Variants in MALRD1 observed in about 807,000 individuals in gnomAD.
MALRD1 encodes MAM and LDL-receptor class A domain-containing protein 1.
A neutral mutation model predicts 242.1 loss-of-function variants in MALRD1; 247 were observed. That is an observed-to-expected ratio of 1.02 (90% confidence interval 0.92 to 1.13). The LOEUF is 1.13. Among genes scored for constraint, MALRD1 ranks in the 50% most tolerant of loss-of-function variants. The pLI, the probability that MALRD1 is intolerant of heterozygous loss-of-function variation, is 0.00. For missense variants in MALRD1, 2,989 were observed against 2,533.1 expected (o/e 1.18, Z -3.86); for synonymous variants, 995 against 866.6 (o/e 1.15, Z -2.60).
intron 36 of MALRD1, among the ~76,000 whole-genome samples, chr10:19,631,550 T>A (rs7922615): frequency 0.029 from 4,352 of 152,216 alleles, 196 homozygotes; most frequent in African/African-American, 0.089. Context: ...TCTGTTTTAG[T>A]TCTTTGAGGA....
At chr10:19,396,173 T>A (rs1350829254) in intron 28 of MALRD1, among the ~76,000 whole-genome samples, 2 of 146,066 alleles carry the variant, frequency 1.4e-5, no homozygotes, top group African/African-American at 5.1e-5. Flanking sequence ...AGTCTCGTTC[T>A]GTCACCCTGG....
At chr10:19,595,164 C>A in intron 33 of MALRD1, 30 bp from the exon 34 acceptor site, 1 of 1,530,840 alleles carries the variant, frequency 6.5e-7, no homozygotes, top group Non-Finnish European at 8.8e-7. Context: ...TCCCTAATGC[C>A]AAAATAACTT....
chr10:19,581,241 T>G (rs921000566), intron 33 of MALRD1, among the ~76,000 whole-genome samples: 1 of 151,844 alleles, frequency 6.6e-6, no homozygotes, highest in Non-Finnish European at 1.5e-5. Flanking sequence ...TATTATACTT[T>G]AAGTTTTAGG....
chr10:19,574,754 A>G (rs1230642446), intron 33 of MALRD1, among the ~76,000 whole-genome samples: 1 of 152,122 alleles, frequency 6.6e-6, no homozygotes, highest in East Asian at 1.9e-4. Context: ...ATTATATGAT[A>G]CTGGATTTGG....
chr10:19,692,784 C>T (rs549705033), intron 38 of MALRD1, among the ~76,000 whole-genome samples: 48 of 95,480 alleles, frequency 5.0e-4, no homozygotes, highest in Non-Finnish European at 9.0e-4. Flanking sequence ...ATATTAGGAG[C>T]CTTTTTGAGG....
At chr10:19,723,471 C>T (rs1346800959) in intron 38 of MALRD1, among the ~76,000 whole-genome samples, 2 of 152,140 alleles carry the variant, frequency 1.3e-5, no homozygotes, top group East Asian at 3.9e-4. Flanking sequence ...AAGTGGCTCA[C>T]ACCCATAATC....
intron 38 of MALRD1, among the ~76,000 whole-genome samples, chr10:19,693,736 A>G (rs1025932067): frequency 1.3e-5 from 2 of 152,204 alleles, no homozygotes; most frequent in African/African-American, 4.8e-5. Flanking sequence ...TTTAAAGTTC[A>G]TATGGAACCA....
intron 24 of MALRD1, among the ~76,000 whole-genome samples, chr10:19,340,757 T>A (rs1843812428): frequency 6.6e-6 from 1 of 152,158 alleles, no homozygotes; most frequent in Non-Finnish European, 1.5e-5. Flanking sequence ...CTGGATGAAA[T>A]GTGCTTCAAA....
At chr10:19,326,936 T>C (rs965057128) in intron 22 of MALRD1, among the ~76,000 whole-genome samples, 6 of 152,118 alleles carry the variant, frequency 3.9e-5, no homozygotes, top group Admixed American at 1.3e-4. Context: ...CATGGCTCAT[T>C]TTGTATCATT....
chr10:19,585,293 G>A (rs1004853250), intron 33 of MALRD1, among the ~76,000 whole-genome samples: 2 of 151,272 alleles, frequency 1.3e-5, no homozygotes, highest in Non-Finnish European at 3.0e-5. Flanking sequence ...TATTTTGTTC[G>A]TTAGTTGATG....
In MALRD1 at chr10:19,257,759, AC is replaced by A. The variant is rs1564508360; in HGVS notation, c.3070del (p.Leu1024SerfsTer20). On this transcript the variant is annotated frameshift_variant, in exon 19 of 40. Coordinates refer to ENST00000454679, the MANE Select transcript of MALRD1 (RefSeq NM_001142308.3). LOFTEE classifies it high-confidence loss of function. The part of the protein sequence containing the change: ...AIDDLSFMDC[T>X]LYPGNLPADL... Reference sequence around the variant, plus strand: ...TGATGATCTGTCATTTATGGACTGCACCCTCTACCCTGGTAAGAGAGAACAT... The same window carrying A: ...TGATGATCTGTCATTTATGGACTGCACCTCTACCCTGGTAAGAGAGAACAT... The A allele has an allele frequency of 2.0e-6, 3 of 1,531,536 alleles. No individual in the cohort carries two copies. The highest frequency in any genetic ancestry group is 2.6e-6 in the Non-Finnish European group (3 of 1,135,840). The allele number at this position is 1,531,536 out of a possible 1,614,324, so 94.9% of individuals were successfully genotyped here.
chr10:19,457,592 A>G (rs1835724924), intron 29 of MALRD1, among the ~76,000 whole-genome samples: 1 of 152,032 alleles, frequency 6.6e-6, no homozygotes, highest in African/African-American at 2.4e-5. Flanking sequence ...AATTTGAACT[A>G]AGACCGGGCT....
chr10:19,643,427 CAAGA>C (rs1247816358), intron 36 of MALRD1, among the ~76,000 whole-genome samples: 1 of 151,732 alleles, frequency 6.6e-6, no homozygotes, highest in Non-Finnish European at 1.5e-5. Flanking sequence ...GTGTGGGCAA[CAAGA>C]AAGAAACTCC....
At chr10:19,239,983 C>T (rs6415951) in intron 18 of MALRD1, among the ~76,000 whole-genome samples, 66,679 of 151,690 alleles carry the variant, frequency 0.44, 15,265 homozygotes, top group Admixed American at 0.59. Flanking sequence ...TTATTTGGGG[C>T]CTTTTCTGGT....
intron 36 of MALRD1, among the ~76,000 whole-genome samples, chr10:19,674,004 G>A (rs990985333): frequency 1.3e-5 from 2 of 152,014 alleles, no homozygotes; most frequent in Non-Finnish European, 2.9e-5. Context: ...GCATATGTCC[G>A]AAAGAGATGG....
rs540988134 is a variant in MALRD1 at position 19,513,032 on chromosome 10, G to A, written c.5320+14386G>A. Among the ~76,000 whole-genome samples the A allele has an allele frequency of 7.9e-5, 12 of 152,234 alleles. No homozygotes were observed. The South Asian group carries it at 2.5e-3, about 32-fold the overall frequency. On this transcript the variant is annotated intron_variant, in intron 31 of 39. Coordinates refer to ENST00000454679, the MANE Select transcript of MALRD1 (RefSeq NM_001142308.3). The stretch of plus-strand genomic sequence containing the variant: ...TGTAGCACTGTTTATTAAATAGGTT[G>A]TCATAGATAATTTGAGTTGGGTCAA...
At chr10:19,410,579 A>G (rs1227251298) in intron 28 of MALRD1, among the ~76,000 whole-genome samples, 1 of 152,062 alleles carries the variant, frequency 6.6e-6, no homozygotes, top group Admixed American at 6.5e-5. Context: ...AACCTTGATA[A>G]TGGACGCTAG....
At chr10:19,055,880 C>A (rs766532317) in intron 1 of MALRD1, among the ~76,000 whole-genome samples, 3 of 152,166 alleles carry the variant, frequency 2.0e-5, no homozygotes, top group Non-Finnish European at 4.4e-5. Flanking sequence ...GATCGAAAAA[C>A]CACCTATTGC....
intron 38 of MALRD1, among the ~76,000 whole-genome samples, chr10:19,715,618 C>T (rs995947245): frequency 6.6e-6 from 1 of 152,162 alleles, no homozygotes; most frequent in Non-Finnish European, 1.5e-5. Flanking sequence ...ACTTGTATTA[C>T]TCCATTTGGA....
Sources: allele counts gnomAD v4.1 joint callset (sites outside exome capture counted in the v4.1 genomes callset), GRCh38; gene constraint gnomAD v4.1.1; transcripts MANE v1.5; gene names NCBI Gene and HGNC (gene_info 2026-07-23, HGNC 2026-07-21).